Variants in CNBD2 observed in about 807,000 individuals in gnomAD.
The protein encoded by CNBD2 is cyclic nucleotide-binding domain-containing protein 2.
CNBD2 carries 64 observed loss-of-function variants against 63.7 expected under a neutral mutation model. The ratio of observed to expected loss-of-function variants is 1.00; its 90% CI spans 0.82 to 1.24. CNBD2 has a LOEUF of 1.24. Among genes scored for constraint, CNBD2 ranks in the 50% most tolerant of loss-of-function variants. The probability of loss-of-function intolerance (pLI) is 0.00; values close to 1 mark genes in which losing one functional copy is unlikely to be tolerated. For synonymous variants in CNBD2, 229 were observed against 255.4 expected, an observed-to-expected ratio of 0.90 and a Z score of 0.99; for missense variants, 691 against 713.5, an observed-to-expected ratio of 0.97 and a Z score of 0.36.
upstream of CNBD2, among the ~76,000 whole-genome samples, chr20:35,966,095 T>C (rs1040854124): frequency 5.3e-5 from 8 of 152,158 alleles, no homozygotes; most frequent in African/African-American, 1.9e-4. Context: ...AGTTGTTTCT[T>C]TCAGAAGCCC....
chr20:35,965,468 G>A (rs2056338852), upstream of CNBD2, among the ~76,000 whole-genome samples: 1 of 152,206 alleles, frequency 6.6e-6, no homozygotes, highest in Non-Finnish European at 1.5e-5. Flanking sequence ...ATGAGCCACC[G>A]CGCTTGGCCG....
chr20:36,008,282 T>A lies in CNBD2; in HGVS notation c.971-15T>A. On this transcript the variant is annotated splice_polypyrimidine_tract_variant and intron_variant, in intron 8 of 11. Coordinates refer to ENST00000373973, the MANE Select transcript of CNBD2 (RefSeq NM_001365709.1). ...AAAGATCCATAAGTATCTTTTCCTG[T>A]GCTTTCTCTAACAGAATACTCTCCT... is the stretch of plus-strand genomic sequence containing the variant. 6.3e-7 allele frequency: 1 copy of A among 1,592,510 alleles called. No individual in the cohort carries two copies. The highest frequency in any genetic ancestry group is 2.2e-5 in the East Asian group (1 of 44,742).
At chr20:36,007,412 G>GTAGC (rs1488128874) in intron 8 of CNBD2, among the ~76,000 whole-genome samples, 3 of 152,050 alleles carry the variant, frequency 2.0e-5, no homozygotes, top group Admixed American at 6.5e-5. Flanking sequence ...AGCCTCCTGA[G>GTAGC]TAGCTAGGAC....
At chr20:35,983,048 G>T (rs2056617569) in intron 4 of CNBD2, among the ~76,000 whole-genome samples, 1 of 151,814 alleles carries the variant, frequency 6.6e-6, no homozygotes, top group Admixed American at 6.5e-5. Context: ...GATAGTAATA[G>T]TAAGAATAGC....
chr20:35,983,861 T>C, intron 4 of CNBD2, 121 bp from the exon 5 acceptor site: 2 of 1,168,128 alleles, frequency 1.7e-6, no homozygotes, highest in South Asian at 1.4e-5. Context: ...CTGAGGGCCC[T>C]TCTGGTCCAA....
At chr20:35,958,329 G>A (rs6121105), downstream of CNBD2, among the ~76,000 whole-genome samples, 882 of 152,272 alleles carry the variant, frequency 5.8e-3, 9 homozygotes, top group African/African-American at 0.02. Context: ...CTACTTGGGA[G>A]GCTGAGGCAG....
chr20:36,024,797 T>A (rs1185253821), intron 11 of CNBD2, among the ~76,000 whole-genome samples: 1 of 151,992 alleles, frequency 6.6e-6, no homozygotes, highest in African/African-American at 2.4e-5. Context: ...CCACCGGGTG[T>A]GGTGGCGGGC....
Position 36,023,644 on chromosome 20 carries a change from C to G in CNBD2, c.1312C>G (p.Arg438Gly), listed in dbSNP as rs772337776. ...AFLPEGECDT[R>G]PLILMSLGNE... ...CCTTCCAGAGGGTGAATGCGACACA[C>G]GACCCTTGATCCTGATGAGCCTGGG... Residue 438 changes from arginine (R) to glycine (G), a missense_variant, in exon 11 of 12, where the codon CGA (arginine) becomes GGA (glycine). By Grantham distance (125) the Arg-to-Gly change is moderately radical. Coordinates refer to ENST00000373973, the MANE Select transcript of CNBD2 (RefSeq NM_001365709.1). 1.2e-6 allele frequency: 2 copies of G among 1,612,070 alleles called. No homozygotes were observed. Among genetic ancestry groups the G allele is most frequent in the Admixed American group, 3.3e-5 (2 of 59,718 alleles).
chr20:35,982,541 C>T (rs1022645969), intron 4 of CNBD2, among the ~76,000 whole-genome samples: 5 of 152,166 alleles, frequency 3.3e-5, no homozygotes, highest in African/African-American at 1.2e-4. Context: ...CTTTGTCCAC[C>T]TGGATGACTC....
At chr20:36,006,115 G>A (rs2056981650) in intron 8 of CNBD2, among the ~76,000 whole-genome samples, 1 of 146,924 alleles carries the variant, frequency 6.8e-6, no homozygotes. Flanking sequence ...TGCAACCTCT[G>A]CCTCCCAGGT....
At chr20:35,964,263 T>C (rs989379045), upstream of CNBD2, among the ~76,000 whole-genome samples, 1 of 151,454 alleles carries the variant, frequency 6.6e-6, no homozygotes, top group Non-Finnish European at 1.5e-5. Flanking sequence ...TCACCACAAC[T>C]TCCGCCTCCT....
intron 3 of CNBD2, among the ~76,000 whole-genome samples, chr20:35,978,756 C>A (rs2056557771): frequency 6.6e-6 from 1 of 152,048 alleles, no homozygotes; most frequent in Non-Finnish European, 1.5e-5. Flanking sequence ...CCTCCCAAAG[C>A]ACTGGGATTA....
At chr20:36,016,182 T>C (rs1462271438) in intron 10 of CNBD2, among the ~76,000 whole-genome samples, 1 of 152,102 alleles carries the variant, frequency 6.6e-6, no homozygotes, top group East Asian at 1.9e-4. Context: ...AAATACTCAA[T>C]GAGTACCCTC....
chr20:36,007,892 T>C (rs2057006069), intron 8 of CNBD2, among the ~76,000 whole-genome samples: 1 of 152,316 alleles, frequency 6.6e-6, no homozygotes, highest in South Asian at 2.1e-4. Context: ...CCATGACCAG[T>C]CATCCATTTA....
rs1487418367 is a variant in CNBD2, at chr20:35,995,122, G to A, written c.940G>A (p.Asp314Asn). ...RWIWQHLELI[D>N]GRPLKTHLSE... ...GATCTGGCAGCACCTGGAGCTGATA[G>A]ATGGCAGACCTCTGAAGACCCACCT... Residue 314 changes from aspartate to asparagine, a missense_variant, in exon 8 of 12, where the codon GAT becomes AAT. Coordinates refer to ENST00000373973, the MANE Select transcript of CNBD2 (RefSeq NM_001365709.1). 1 of 1,614,032 alleles carries A rather than the reference G, an allele frequency of 6.2e-7. No individual in the cohort carries two copies. Among genetic ancestry groups the A allele is most frequent in the South Asian group, 1.1e-5 (1 of 91,086 alleles).
At chr20:36,006,864 G>T (rs1270389913) in intron 8 of CNBD2, among the ~76,000 whole-genome samples, 6 of 152,072 alleles carry the variant, frequency 3.9e-5, no homozygotes, top group Admixed American at 3.9e-4. Flanking sequence ...ATCATTATAG[G>T]TTAGATTTGT....
rs2057329568 is a variant in CNBD2 at position 36,030,364 on chromosome 20, GAT to G, written c.1450_1451del (p.Met484ValfsTer44). On this transcript the variant is annotated frameshift_variant, in exon 12 of 12. Coordinates refer to ENST00000373973, the MANE Select transcript of CNBD2 (RefSeq NM_001365709.1). LOFTEE classifies it low-confidence loss of function (END_TRUNC). ...KLNIAFPSDE[D>X]MCQKFLQQNS... ...TCTGTGCCTGCCCTTTAGTGATGAAGATATGTGCCAGAAGTTCCTCCAGCAGA... is the reference window on the plus strand; with the variant it reads ...TCTGTGCCTGCCCTTTAGTGATGAAGATGTGCCAGAAGTTCCTCCAGCAGA... 6.2e-7 allele frequency: 1 copy of G among 1,614,022 alleles called. No homozygotes were observed. Among genetic ancestry groups the G allele is most frequent in the African/African-American group, 1.3e-5 (1 of 74,894 alleles).
At chr20:36,007,320 A>T (rs2590987) in intron 8 of CNBD2, among the ~76,000 whole-genome samples, 5,455 of 151,946 alleles carry the variant, frequency 0.036, 349 homozygotes, top group African/African-American at 0.13. Flanking sequence ...GAGTTTTTTT[A>T]AATTTCATTT....
chr20:36,030,686 G>A lies in CNBD2; in HGVS notation c.*38G>A, dbSNP rs371988928. 8.7e-6 allele frequency: 14 copies of A among 1,604,156 alleles called. No individual in the cohort carries two copies. The highest frequency in any genetic ancestry group is 2.7e-5 in the African/African-American group (2 of 74,588). On this transcript the variant is annotated 3_prime_UTR_variant, in exon 12 of 12. Transcript: ENST00000373973. ...GGGGTCCTTATTTAGGACAAATAAA[G>A]GATGGTGGATTGGGCGCTGTGCTTT...
Sources: allele counts gnomAD v4.1 joint callset (sites outside exome capture counted in the v4.1 genomes callset), GRCh38; gene constraint gnomAD v4.1.1; transcripts MANE v1.5; gene names NCBI Gene and HGNC (gene_info 2026-07-23, HGNC 2026-07-21).